SNAP23: variants seen among roughly 807,000 people sequenced by gnomAD.
The protein encoded by SNAP23 is synaptosome associated protein 23, also known as synaptosomal-associated protein 23.
Under a neutral mutation model 29.0 loss-of-function variants are expected in SNAP23, and 11 were observed. The ratio of observed to expected loss-of-function variants is 0.38; its 90% CI spans 0.24 to 0.63. SNAP23 has a LOEUF of 0.63. SNAP23 is among the 20% of genes least tolerant of loss of function. SNAP23 has a pLI of 0.58. For missense variants in SNAP23, 220 were observed against 253.9 expected (o/e 0.87, Z 0.91); for synonymous variants, 60 against 82.9 (o/e 0.72, Z 1.50).
In SNAP23 at chr15:42,528,295, GACA is replaced by G. The variant is rs1252009701; in HGVS notation, c.304_306del (p.Thr102del). The G allele has an allele frequency of 6.2e-7, 1 of 1,614,050 alleles. No homozygotes were observed. The highest frequency in any genetic ancestry group is 1.1e-5 in the South Asian group (1 of 91,070). On this transcript the variant is annotated inframe_deletion, in exon 6 of 8. Coordinates refer to ENST00000249647, the MANE Select transcript of SNAP23 (RefSeq NM_003825.4). Reference sequence around the variant, plus strand: ...ACTTTGAGTCTGGCAAGGCTTATAAGACAACATGGGGAGATGGTGGAGAAAACT... The same window carrying G: ...ACTTTGAGTCTGGCAAGGCTTATAAGACATGGGGAGATGGTGGAGAAAACT...
chr15:42,519,024 G>T (rs1019770035), intron 5 of SNAP23, among the ~76,000 whole-genome samples: 7 of 150,650 alleles, frequency 4.6e-5, no homozygotes, highest in African/African-American at 1.5e-4. Flanking sequence ...CACCATGCCT[G>T]GTTTGTTTTT....
intron 5 of SNAP23, among the ~76,000 whole-genome samples, chr15:42,523,689 A>G (rs945661779): frequency 2.0e-5 from 3 of 152,240 alleles, no homozygotes; most frequent in African/African-American, 7.2e-5. Context: ...TTACGTACAA[A>G]GAAAGGGATG....
In SNAP23 at chr15:42,518,748, AGTTTT is replaced by A. The variant is rs201044706; in HGVS notation, c.266+3400_266+3404del. ...ATTCAGAAATCTAAAAAACTCCTAAAGTTTTGTTTTATTTTTGCTGTAATGGTGCC... is the reference window on the plus strand; with the variant it reads ...ATTCAGAAATCTAAAAAACTCCTAAAGTTTTATTTTTGCTGTAATGGTGCC... On this transcript the variant is annotated intron_variant, in intron 5 of 7. Coordinates refer to ENST00000249647, the MANE Select transcript of SNAP23 (RefSeq NM_003825.4). Among the ~76,000 whole-genome samples, 110 of 152,174 alleles carry A rather than the reference AGTTTT, an allele frequency of 7.2e-4. 2 individuals are homozygous for A. In the East Asian group the frequency reaches 0.021, roughly 29 times the overall value.
chr15:42,515,128 G>A (rs891853880), intron 4 of SNAP23, 109 bp from the exon 5 acceptor site: 2 of 673,638 alleles, frequency 3.0e-6, no homozygotes, highest in Non-Finnish European at 5.3e-6. Flanking sequence ...CTCACTGTGG[G>A]GAGTTATTGG....
chr15:42,513,293 C>G, intron 3 of SNAP23, 106 bp from the exon 4 acceptor site: 3 of 1,029,438 alleles, frequency 2.9e-6, no homozygotes, highest in East Asian at 4.8e-5. Context: ...CTCTAATCCT[C>G]TGAGAGCTTG....
chr15:42,527,883 T>G (rs903518735), intron 5 of SNAP23: 1 of 164,256 alleles, frequency 6.1e-6, no homozygotes, highest in Non-Finnish European at 1.3e-5. Context: ...GACCTTTTTT[T>G]AAGTAATGTG....
intron 1 of SNAP23, among the ~76,000 whole-genome samples, chr15:42,506,001 A>G (rs1427540132): frequency 6.8e-6 from 1 of 147,624 alleles, no homozygotes; most frequent in Non-Finnish European, 1.5e-5. Context: ...GCTGGAGTGT[A>G]GTGGCATGAT....
chr15:42,516,938 G>T (rs1051784536), intron 5 of SNAP23, among the ~76,000 whole-genome samples: 1 of 152,120 alleles, frequency 6.6e-6, no homozygotes, highest in East Asian at 1.9e-4. Context: ...TGTATTTTTT[G>T]AGACGGAGTC....
At chr15:42,505,476 T>C (rs982452616) in intron 1 of SNAP23, 4 of 152,162 alleles carry the variant, frequency 2.6e-5, no homozygotes, top group Admixed American at 6.6e-5. Flanking sequence ...GGGCCTTTTT[T>C]CTGTGTATTT....
At chr15:42,512,864 T>C (rs555373349) in intron 2 of SNAP23, 91 bp from the exon 3 acceptor site, 1 of 988,630 alleles carries the variant, frequency 1.0e-6, no homozygotes, top group Non-Finnish European at 1.6e-6. Context: ...CTGGCAATTT[T>C]TAAAGATAGA....
In SNAP23 at chr15:42,515,979, A is replaced by G. The variant is rs569207428; in HGVS notation, c.266+625A>G. The stretch of plus-strand genomic sequence containing the variant: ...GAGGGCATTTCCTATGAAAGGTTCA[A>G]AATAAAGATTAACAAGGAGCTTGAC... On this transcript the variant is annotated intron_variant, in intron 5 of 7. Coordinates refer to ENST00000249647, the MANE Select transcript of SNAP23 (RefSeq NM_003825.4). Among the ~76,000 whole-genome samples, 5 of 152,332 alleles carry G rather than the reference A, an allele frequency of 3.3e-5. No individual in the cohort carries two copies. In the East Asian group the frequency reaches 9.6e-4, roughly 29 times the overall value.
intron 5 of SNAP23, 145 bp downstream of exon 5, chr15:42,515,499 C>CG (rs1442575221): frequency 1.0e-5 from 6 of 589,110 alleles, no homozygotes; most frequent in Non-Finnish European, 1.8e-5. Context: ...GCAGATTAAG[C>CG]TTTTTGTGTA....
At chr15:42,523,903 G>A (rs563132857) in intron 5 of SNAP23, among the ~76,000 whole-genome samples, 29 of 152,140 alleles carry the variant, frequency 1.9e-4, no homozygotes, top group Admixed American at 1.3e-3. Flanking sequence ...TGCAACCTCC[G>A]CCTTCCGAGT....
Position 42,528,379 on chromosome 15 carries a change from G to A in SNAP23, c.384G>A (p.Gln128=), listed in dbSNP as rs1016380310. ...GCCCGGTGACAAATGGTCAGCTTCA[G>A]CAACCAACAACGGGAGCAGCCAGTG... ...QPGPVTNGQL[Q]QPTTGAASGG... The change falls in exon 6 of 8, where the codon CAG becomes CAA. Residue 128 remains glutamine (Q), a synonymous_variant. Coordinates refer to ENST00000249647, the MANE Select transcript of SNAP23 (RefSeq NM_003825.4). 5 of 1,614,022 alleles carry A rather than the reference G, an allele frequency of 3.1e-6. No individual in the cohort carries two copies. In the African/African-American group the frequency reaches 5.3e-5, roughly 17 times the overall value.
chr15:42,498,544 T>G (rs1391496443), intron 1 of SNAP23, among the ~76,000 whole-genome samples: 4 of 152,192 alleles, frequency 2.6e-5, no homozygotes, highest in Non-Finnish European at 5.9e-5. Flanking sequence ...AAACCATTTT[T>G]TCTTCCTAGG....
intron 5 of SNAP23, among the ~76,000 whole-genome samples, chr15:42,524,168 T>G (rs556049461): frequency 2.0e-5 from 3 of 152,284 alleles, no homozygotes; most frequent in African/African-American, 7.2e-5. Flanking sequence ...TCTAGATTAA[T>G]TATTTAGTGC....
chr15:42,517,947 A>G lies in SNAP23; in HGVS notation c.266+2593A>G, dbSNP rs111596224. Reference sequence around the variant, plus strand: ...AGGCTTGTATCAAACTCCTGGCCTCAAGAAATCCTCCCACTTCAGCCTCCC... The same window carrying G: ...AGGCTTGTATCAAACTCCTGGCCTCGAGAAATCCTCCCACTTCAGCCTCCC... On this transcript the variant is annotated intron_variant, in intron 5 of 7. Coordinates refer to ENST00000249647, the MANE Select transcript of SNAP23 (RefSeq NM_003825.4). Among the ~76,000 whole-genome samples the G allele has an allele frequency of 2.7e-3, 415 of 152,160 alleles. 1 individual carries two copies. Among genetic ancestry groups the G allele is most frequent in the African/African-American group, 9.4e-3 (389 of 41,516 alleles).
chr15:42,499,704 CT>C (rs910788483), intron 1 of SNAP23, among the ~76,000 whole-genome samples: 3 of 152,126 alleles, frequency 2.0e-5, no homozygotes, highest in Non-Finnish European at 4.4e-5. Flanking sequence ...TTGCTCAGCA[CT>C]TTGGAAGATA....
rs2057368882 is a variant in SNAP23, at chr15:42,512,992, T to C, written c.95T>C (p.Ile32Thr). The C allele has an allele frequency of 6.2e-7, 1 of 1,608,790 alleles. No individual in the cohort carries two copies. The highest frequency in any genetic ancestry group is 8.5e-7 in the Non-Finnish European group (1 of 1,175,098). Residue 32 changes from isoleucine (I) to threonine (T), a missense_variant, in exon 3 of 8, where the codon ATT becomes ACT. Ile to Thr is a moderately conservative substitution (Grantham distance 89). Transcript: ENST00000249647. ...ACGAGGAGAATCCTGGGTTTAGCCA[T>C]TGAGGTAAGAAAATGTTAGTCATCA... ...ESTRRILGLA[I>T]ESQDAGIKTI...
Sources: allele counts gnomAD v4.1 joint callset (sites outside exome capture counted in the v4.1 genomes callset), GRCh38; gene constraint gnomAD v4.1.1; transcripts MANE v1.5; gene names NCBI Gene and HGNC (gene_info 2026-07-23, HGNC 2026-07-21).